RORA: variants seen among roughly 807,000 people sequenced by gnomAD.
RORA encodes the protein RAR related orphan receptor A.
Under a neutral mutation model 69.5 loss-of-function variants are expected in RORA, and 7 were observed. That is an observed-to-expected ratio of 0.10 (90% CI 0.06 to 0.19). RORA has a LOEUF of 0.19. RORA is among the 10% of genes least tolerant of loss of function. The pLI is 1.00. For synonymous variants in RORA, 261 were observed against 240.8 expected, an observed-to-expected ratio of 1.08 and a Z score of -0.78; for missense variants, 457 against 663.0, an observed-to-expected ratio of 0.69 and a Z score of 3.41.
At position 61,136,633 on chromosome 15, in the gene RORA, G is replaced by A. The variant is rs183435014; in HGVS notation, c.166+92420C>T. On this transcript the variant is annotated intron_variant, in intron 1 of 10. Transcript: ENST00000335670. ...TCGTAAAGAAACAAGAAGTGGAGAC[G>A]CAGTCGAAAGAGCTGTCCTTCAGAA... 3.4e-4 allele frequency among the ~76,000 whole-genome samples: 52 copies of A among 152,296 alleles called. 1 individual carries two copies. Among genetic ancestry groups the A allele is most frequent in the African/African-American group, 1.1e-3 (47 of 41,562 alleles).
rs1215449074 is a variant in RORA, at chr15:60,496,029, G to C, written c.*1426C>G. On this transcript the variant is annotated 3_prime_UTR_variant, in exon 11 of 11. Coordinates refer to ENST00000335670, the MANE Select transcript of RORA (RefSeq NM_134261.3). This position sits in a 1 kb window ranked among gnomAD's most constrained non-coding sequence, Gnocchi z 4.5. Reference sequence around the variant, plus strand: ...CAGCTAGCATCAACTTCACTTTAAAGGCTTAAAGTATTTAATATTTAAATA... The same window carrying C: ...CAGCTAGCATCAACTTCACTTTAAACGCTTAAAGTATTTAATATTTAAATA... The C allele has an allele frequency of 6.6e-6, 1 of 152,042 alleles. No individual in the cohort carries two copies. Among genetic ancestry groups the C allele is most frequent in the Admixed American group, 6.6e-5 (1 of 15,244 alleles). The allele number at this position is 152,042 out of a possible 1,614,324, so 9.4% of individuals were successfully genotyped here. A position where few individuals can be genotyped will look rare whatever the true frequency, so the allele number is the denominator to read the frequency against.
chr15:60,851,014 CTGAG>C (rs2073318267), intron 1 of RORA, among the ~76,000 whole-genome samples: 1 of 152,138 alleles, frequency 6.6e-6, no homozygotes, highest in Non-Finnish European at 1.5e-5. Context: ...CAGTCTGTTG[CTGAG>C]TGAGTGGGTG....
At chr15:60,776,433 G>A (rs1363910463) in intron 1 of RORA, among the ~76,000 whole-genome samples, 1 of 152,248 alleles carries the variant, frequency 6.6e-6, no homozygotes, top group East Asian at 1.9e-4. Context: ...CTGCTGGGGA[G>A]CAAAGGCCTG....
At chr15:60,978,742 C>G (rs924273761) in intron 1 of RORA, among the ~76,000 whole-genome samples, 6 of 152,084 alleles carry the variant, frequency 3.9e-5, no homozygotes, top group African/African-American at 1.2e-4. Flanking sequence ...TTGCAGGTGG[C>G]TATCCAATTG....
intron 2 of RORA, among the ~76,000 whole-genome samples, chr15:60,653,477 C>T (rs767619692): frequency 6.6e-6 from 1 of 152,152 alleles, no homozygotes; most frequent in Non-Finnish European, 1.5e-5. Context: ...CTAGGGCTCC[C>T]GTCCTCACCC....
chr15:60,670,201 C>CT (rs60799050), intron 2 of RORA, among the ~76,000 whole-genome samples: 13 of 126,084 alleles, frequency 1.0e-4, no homozygotes, highest in African/African-American at 2.0e-4. Flanking sequence ...TATCCTACCT[C>CT]TTTTTTTTTT....
intron 1 of RORA, among the ~76,000 whole-genome samples, chr15:60,818,124 G>T (rs988862494): frequency 3.3e-5 from 5 of 152,120 alleles, no homozygotes; most frequent in South Asian, 2.1e-4. Flanking sequence ...GAGAGAAAGA[G>T]GGATATTTGG....
rs563865407 is a variant in RORA, at chr15:61,068,072, T to C, written c.166+160981A>G. ...ATTTTGGTCAAAATATTTGGAGAAA[T>C]GTCTGAAATGATTTATAAGCCCATT... On this transcript the variant is annotated intron_variant, in intron 1 of 10. Transcript: ENST00000335670. Among the ~76,000 whole-genome samples, 8 of 152,338 alleles carry C rather than the reference T, an allele frequency of 5.3e-5. No individual in the cohort carries two copies. The South Asian group carries it at 1.7e-3, about 32-fold the overall frequency.
At chr15:60,820,047 G>A (rs1374850416) in intron 1 of RORA, among the ~76,000 whole-genome samples, 1 of 152,238 alleles carries the variant, frequency 6.6e-6, no homozygotes, top group African/African-American at 2.4e-5. Context: ...AAGTGTTCAT[G>A]CGTGTGCACG....
intron 1 of RORA, among the ~76,000 whole-genome samples, chr15:60,924,844 C>T (rs1266545004): frequency 7.2e-5 from 11 of 152,096 alleles, no homozygotes; most frequent in Admixed American, 5.2e-4. Flanking sequence ...TTTGGGAGGC[C>T]GAGGTGGGAA....
intron 1 of RORA, among the ~76,000 whole-genome samples, chr15:60,772,544 G>T (rs761423414): frequency 6.6e-6 from 1 of 152,026 alleles, no homozygotes; most frequent in African/African-American, 2.4e-5. Flanking sequence ...GCTTTTCCTC[G>T]TATGGGTACC....
chr15:61,049,753 G>A (rs190756895), intron 1 of RORA, among the ~76,000 whole-genome samples: 27 of 152,146 alleles, frequency 1.8e-4, no homozygotes, highest in Non-Finnish European at 3.2e-4. Flanking sequence ...TCCGCCTCCC[G>A]GGTTCAAGTG....
intron 1 of RORA, among the ~76,000 whole-genome samples, chr15:60,994,902 G>A (rs553867433): frequency 1.1e-4 from 17 of 152,184 alleles, no homozygotes; most frequent in Admixed American, 5.2e-4. Context: ...ATTCTATTGG[G>A]GCATTGGGGT....
chr15:60,867,718 T>G (rs544858199), intron 1 of RORA, among the ~76,000 whole-genome samples: 3 of 152,224 alleles, frequency 2.0e-5, no homozygotes, highest in African/African-American at 7.2e-5. Context: ...CCAGGATCTC[T>G]TGATATTCTC....
chr15:60,802,107 C>T (rs2072590643), intron 1 of RORA, among the ~76,000 whole-genome samples: 1 of 152,158 alleles, frequency 6.6e-6, no homozygotes, highest in Admixed American at 6.5e-5. Flanking sequence ...TGGGTAAAAA[C>T]AGGCACCACT....
chr15:60,838,891 T>C (rs550731607), intron 1 of RORA, among the ~76,000 whole-genome samples: 2,102 of 27,590 alleles, frequency 0.076, 70 homozygotes, highest in African/African-American at 0.11. Context: ...CACACACATA[T>C]ACTTTTTTTT....
At chr15:61,105,902 G>A (rs2078944133) in intron 1 of RORA, among the ~76,000 whole-genome samples, 1 of 152,190 alleles carries the variant, frequency 6.6e-6, no homozygotes. Flanking sequence ...CCTATATGGT[G>A]AAAAGTTGAC....
At chr15:61,207,896 T>A (rs760291627) in intron 1 of RORA, among the ~76,000 whole-genome samples, 1 of 152,240 alleles carries the variant, frequency 6.6e-6, no homozygotes, top group Non-Finnish European at 1.5e-5. Context: ...ATTAATCACA[T>A]AGCAAGGAAA....
At chr15:60,842,745 A>C (rs2073215709) in intron 1 of RORA, among the ~76,000 whole-genome samples, 1 of 143,364 alleles carries the variant, frequency 7.0e-6, no homozygotes, top group African/African-American at 2.6e-5. Context: ...CCCCCTCCCA[A>C]ACCCAAACTG....
Sources: allele counts gnomAD v4.1 joint callset (sites outside exome capture counted in the v4.1 genomes callset), GRCh38; gene constraint gnomAD v4.1.1; non-coding constraint Gnocchi (gnomAD v3.1); transcripts MANE v1.5; gene names NCBI Gene and HGNC (gene_info 2026-07-23, HGNC 2026-07-21).